The following PPEF1 variants were observed in gnomAD, a reference collection of about 807,000 sequenced individuals.
PPEF1 encodes protein phosphatase with EF-hand domain 1, also known as serine/threonine-protein phosphatase with EF-hands 1.
A neutral mutation model predicts 53.3 loss-of-function variants in PPEF1; 12 were observed. The observed-to-expected ratio is 0.23, with a 90% CI of 0.14 to 0.36. The LOEUF is 0.36. PPEF1 is among the 10% of genes least tolerant of loss of function. The pLI is 1.00. For missense variants in PPEF1, 334 were observed against 490.4 expected (o/e 0.68, Z 3.01); for synonymous variants, 165 against 176.7 (o/e 0.93, Z 0.52).
chrX:18,820,599 A>G (rs1271836464), intron 13 of PPEF1, among the ~76,000 whole-genome samples: 2 of 110,737 alleles, frequency 1.8e-5, no homozygotes, highest in Admixed American at 9.6e-5. Flanking sequence ...GTTAGCCAGA[A>G]TGGTGTTGGT....
At chrX:18,687,896 C>G (rs1046196576) in intron 3 of PPEF1, among the ~76,000 whole-genome samples, 1 of 110,495 alleles carries the variant, frequency 9.1e-6, no homozygotes, top group African/African-American at 3.3e-5. Flanking sequence ...ACCATGTTGT[C>G]CAGGCTGGTC....
intron 4 of PPEF1, among the ~76,000 whole-genome samples, chrX:18,756,751 T>G (rs759525741): frequency 2.7e-5 from 3 of 112,674 alleles, no homozygotes; most frequent in Non-Finnish European, 5.6e-5. Context: ...TTCATAATAA[T>G]TTTCTGTTGT....
chrX:18,684,118 A>G (rs1024300781), intron 1 of PPEF1, among the ~76,000 whole-genome samples: 2 of 112,015 alleles, frequency 1.8e-5, no homozygotes, highest in Non-Finnish European at 3.8e-5. Context: ...CAGTCCCTTG[A>G]TGGAAGTTGT....
intron 6 of PPEF1, among the ~76,000 whole-genome samples, chrX:18,775,581 T>C (rs2045951880): frequency 8.9e-6 from 1 of 112,190 alleles, no homozygotes; most frequent in Non-Finnish European, 1.9e-5. Flanking sequence ...AATTAATAAG[T>C]TTTTGTTCTT....
intron 13 of PPEF1, among the ~76,000 whole-genome samples, chrX:18,818,372 T>C (rs1247737437): frequency 5.7e-5 from 1 of 17,612 alleles, no homozygotes; most frequent in African/African-American, 3.4e-4. Flanking sequence ...GAATTAAACT[T>C]TTTTTTTTTT....
chrX:18,715,533 C>CA (rs199951753), intron 1 of PPEF1, among the ~76,000 whole-genome samples: 22 of 104,929 alleles, frequency 2.1e-4, no homozygotes, highest in African/African-American at 6.2e-4. Flanking sequence ...GACTCCATCT[C>CA]AAAAAAAAAA....
intron 2 of PPEF1, among the ~76,000 whole-genome samples, chrX:18,685,468 G>A (rs1166030766): frequency 9.0e-6 from 1 of 110,961 alleles, no homozygotes; most frequent in East Asian, 2.8e-4. Context: ...GGTGGATCAC[G>A]AGGTCAGGAG....
At chrX:18,688,991 A>G (rs1470433580) in intron 3 of PPEF1, 2 of 111,251 alleles carry the variant, frequency 1.8e-5, no homozygotes, top group African/African-American at 6.6e-5. Flanking sequence ...GCCTTCAGGT[A>G]GCAGGCTTCA....
chrX:18,683,733 C>G (rs1395720565), intron 1 of PPEF1, among the ~76,000 whole-genome samples: 3 of 111,808 alleles, frequency 2.7e-5, no homozygotes, highest in Non-Finnish European at 5.6e-5. Flanking sequence ...TGGTATCCCC[C>G]CTTTTGCCCA....
intron 3 of PPEF1, among the ~76,000 whole-genome samples, chrX:18,688,160 GT>G (rs1175322741): frequency 8.9e-6 from 1 of 111,834 alleles, no homozygotes; most frequent in Non-Finnish European, 1.9e-5. Flanking sequence ...TTCATTTCTA[GT>G]TTTTTTAAAT....
intron 1 of PPEF1, among the ~76,000 whole-genome samples, chrX:18,720,269 A>G (rs999851789): frequency 9.0e-6 from 1 of 111,403 alleles, no homozygotes; most frequent in East Asian, 2.8e-4. Context: ...GTTATTAACA[A>G]TTATACTATC....
intron 13 of PPEF1, among the ~76,000 whole-genome samples, chrX:18,823,638 A>AG (rs2047109531): frequency 9.9e-6 from 1 of 101,366 alleles, no homozygotes; most frequent in African/African-American, 4.5e-5. Flanking sequence ...AAAAAAAAAA[A>AG]TAAATAAATA....
intron 3 of PPEF1, among the ~76,000 whole-genome samples, chrX:18,741,701 G>C (rs752626847): frequency 2.8e-5 from 3 of 106,352 alleles, no homozygotes; most frequent in Non-Finnish European, 5.8e-5. Flanking sequence ...CTACACCCTA[G>C]ATTAGTCTTT....
At chrX:18,711,058 G>T (rs1325006535) in intron 1 of PPEF1, among the ~76,000 whole-genome samples, 1 of 93,153 alleles carries the variant, frequency 1.1e-5, no homozygotes, top group African/African-American at 4.0e-5. Flanking sequence ...GTATGTGTGT[G>T]CATATATATA....
In PPEF1 at chrX:18,733,679, A is replaced by G. The variant is rs556560964; in HGVS notation, c.175-69A>G. ...AAGAGTAAGGGCACTCGGGTGGAAC[A>G]CCAACAGCATTTGTCACAGTAGCTG... On this transcript the variant is annotated intron_variant, in intron 2 of 15. Coordinates refer to ENST00000470157, the MANE Select transcript of PPEF1 (RefSeq NM_001377996.1). 61 of 921,237 alleles carry G rather than the reference A, an allele frequency of 6.6e-5. No individual in the cohort carries two copies. In the South Asian group the frequency reaches 1.3e-3, roughly 19 times the overall value. The allele number at this position is 921,237 out of a possible 1,213,427, so 75.9% of individuals were successfully genotyped here.
intron 3 of PPEF1, among the ~76,000 whole-genome samples, chrX:18,686,947 C>T (rs771259539): frequency 1.8e-5 from 2 of 110,987 alleles, no homozygotes; most frequent in African/African-American, 6.6e-5. Context: ...GTCTCAAGCT[C>T]GTCCCTCCAT....
intron 3 of PPEF1, among the ~76,000 whole-genome samples, chrX:18,746,475 G>C (rs1319940311): frequency 9.0e-6 from 1 of 111,721 alleles, no homozygotes; most frequent in Non-Finnish European, 1.9e-5. Flanking sequence ...TTTAGGCAAT[G>C]ATGGTCATCA....
At chrX:18,827,237 T>C in intron 15 of PPEF1, 39 bp from the exon 16 acceptor site, 2 of 1,150,382 alleles carry the variant, frequency 1.7e-6, no homozygotes, top group South Asian at 3.7e-5. Flanking sequence ...AGGTGGGTCT[T>C]AAAATGAACA....
upstream of PPEF1, among the ~76,000 whole-genome samples, chrX:18,682,963 G>A (rs895968503): frequency 1.8e-5 from 2 of 111,727 alleles, no homozygotes; most frequent in Non-Finnish European, 3.8e-5. Flanking sequence ...CATGGCGGAG[G>A]ATGAAGGAGG....
Sources: allele counts gnomAD v4.1 joint callset (sites outside exome capture counted in the v4.1 genomes callset), GRCh38; gene constraint gnomAD v4.1.1; transcripts MANE v1.5; gene names NCBI Gene and HGNC (gene_info 2026-07-23, HGNC 2026-07-21).